Variants in IMP4 observed in about 807,000 individuals in gnomAD.
IMP4 encodes IMP U3 small nucleolar ribonucleoprotein 4.
In IMP4, 30 loss-of-function variants were observed where a neutral mutation model predicts 42.7. The ratio of observed to expected loss-of-function variants is 0.70; its 90% CI spans 0.53 to 0.95. The LOEUF (loss-of-function observed/expected upper bound fraction) is 0.95, where lower values mean the gene tolerates loss of function less well. Ranked by LOEUF, IMP4 falls within the 40% of genes least tolerant of loss-of-function variation. The pLI is 0.00. For synonymous variants in IMP4, 165 were observed against 165.2 expected (o/e 1.00, Z 0.01); for missense variants, 382 against 411.4 (o/e 0.93, Z 0.62).
At position 130,346,106 on chromosome 2, in the gene IMP4, C is replaced by T. The variant is rs267598873; in HGVS notation, c.683C>T (p.Ser228Leu). 9 of 1,614,148 alleles carry T rather than the reference C, an allele frequency of 5.6e-6. No homozygotes were observed. The East Asian group carries it at 1.8e-4, about 32-fold the overall frequency. The change falls in exon 7 of 9, where the codon TCA (serine) becomes TTA (leucine). Residue 228 changes from serine (S) to leucine (L), a missense_variant. Physicochemically the swap from Ser to Leu is moderately radical, Grantham distance 145. Transcript: ENST00000259239. Reference protein sequence around the residue: ...ITFANQDDYISFRHHVYKKTD... With the variant: ...ITFANQDDYILFRHHVYKKTD... ...TTCGCAAACCAGGACGACTACATAT[C>T]ATTCCGGTGGGTCCACGGGCCATGC...
chr2:130,345,325 A>G lies in IMP4; in HGVS notation c.197-51A>G. 6.9e-7 allele frequency: 1 copy of G among 1,455,664 alleles called. No homozygotes were observed. Among genetic ancestry groups the G allele is most frequent in the Non-Finnish European group, 9.6e-7 (1 of 1,044,364 alleles). 90.2% of individuals were successfully genotyped at this position (1,455,664 alleles called of 1,614,324 possible). On this transcript the variant is annotated intron_variant, in intron 3 of 8. Transcript: ENST00000259239. The surrounding 1 kb of genome is among the most constrained non-coding windows in gnomAD (Gnocchi z 4.9). ...AGGCGGTCTTGGCTGCCCCGAAGTT[A>G]GCATTTCATTCCCAAGACTGTCATG...
Position 130,346,576 on chromosome 2 carries a change from T to C in IMP4, c.*108T>C, listed in dbSNP as rs1232347856. 3 of 817,194 alleles carry C rather than the reference T, an allele frequency of 3.7e-6. No homozygotes were observed. 50.6% of individuals were successfully genotyped at this position (817,194 alleles called of 1,614,324 possible). On this transcript the variant is annotated 3_prime_UTR_variant, in exon 9 of 9. Transcript: ENST00000259239. ...CAGAATGGCCTGCTGAACTGGGATG[T>C]GGAACTGTGGCGGGTGGAGAGGTCT...
At chr2:130,344,825 T>C (rs1356196675) in intron 3 of IMP4, 113 bp downstream of exon 3, 1 of 755,486 alleles carries the variant, frequency 1.3e-6, no homozygotes, top group Non-Finnish European at 2.4e-6. Context: ...CTGTCCCCCA[T>C]GCCCTTGTCA....
Position 130,346,553 on chromosome 2 carries a change from G to C in IMP4, c.*85G>C. The C allele has an allele frequency of 3.2e-6, 3 of 941,894 alleles. No homozygotes were observed. The highest frequency in any genetic ancestry group is 1.4e-5 in the South Asian group (1 of 71,508). The allele number at this position is 941,894 out of a possible 1,614,324, so 58.3% of individuals were successfully genotyped here. Reference sequence around the variant, plus strand: ...AGACCCACCAGTAGGAACTGTCACAGAATGGCCTGCTGAACTGGGATGTGG... The same window carrying C: ...AGACCCACCAGTAGGAACTGTCACACAATGGCCTGCTGAACTGGGATGTGG... On this transcript the variant is annotated 3_prime_UTR_variant, in exon 9 of 9. Coordinates refer to ENST00000259239, the MANE Select transcript of IMP4 (RefSeq NM_033416.3).
In IMP4 at chr2:130,345,286, A is replaced by G; in HGVS notation, c.197-90A>G. The G allele has an allele frequency of 1.0e-6, 1 of 962,224 alleles. No homozygotes were observed. Among genetic ancestry groups the G allele is most frequent in the Non-Finnish European group, 1.6e-6 (1 of 611,916 alleles). 59.6% of individuals were successfully genotyped at this position (962,224 alleles called of 1,614,324 possible). On this transcript the variant is annotated intron_variant, in intron 3 of 8. Coordinates refer to ENST00000259239, the MANE Select transcript of IMP4 (RefSeq NM_033416.3). The surrounding 1 kb of genome is among the most constrained non-coding windows in gnomAD (Gnocchi z 4.9). The stretch of plus-strand genomic sequence containing the variant: ...CATTCCTATTGTTGAAGGCTTCGGC[A>G]GACAGCGACATCCAGGCGGTCTTGG...
rs758600142 is a variant in IMP4 at position 130,342,907 on chromosome 2, G to A, written c.-26G>A. On this transcript the variant is annotated 5_prime_UTR_variant, in exon 1 of 9. Transcript: ENST00000259239. Reference sequence around the variant, plus strand: ...GCTGGAGGAGCCCACAGATTCTCCCGGACCCACGTGGAAGCGGCACTCAAG... The same window carrying A: ...GCTGGAGGAGCCCACAGATTCTCCCAGACCCACGTGGAAGCGGCACTCAAG... 1 of 1,613,952 alleles carries A rather than the reference G, an allele frequency of 6.2e-7. No homozygotes were observed.
chr2:130,346,686 G>A lies in IMP4; in HGVS notation c.*218G>A, dbSNP rs893989990. 1.5e-5 allele frequency: 9 copies of A among 595,678 alleles called. No individual in the cohort carries two copies. The African/African-American group carries it at 1.7e-4, about 11-fold the overall frequency. 36.9% of individuals were successfully genotyped at this position (595,678 alleles called of 1,614,324 possible). On this transcript the variant is annotated 3_prime_UTR_variant, in exon 9 of 9. Coordinates refer to ENST00000259239, the MANE Select transcript of IMP4 (RefSeq NM_033416.3). ...GGCAAAGCCCATGGGATCCCTTTGGGTGGGGACCTGATGGCTGTGGGACGT... is the reference window on the plus strand; with the variant it reads ...GGCAAAGCCCATGGGATCCCTTTGGATGGGGACCTGATGGCTGTGGGACGT...
intron 2 of IMP4, 25 bp downstream of exon 2, chr2:130,343,219 C>T (rs1211888095): frequency 6.1e-6 from 9 of 1,478,840 alleles, no homozygotes; most frequent in Non-Finnish European, 8.3e-6. Flanking sequence ...CCGCGGGCGT[C>T]TGCGTGGTAA....
At chr2:130,343,569 T>C (rs1354558073) in intron 2 of IMP4, among the ~76,000 whole-genome samples, 1 of 151,624 alleles carries the variant, frequency 6.6e-6, no homozygotes, top group Admixed American at 6.6e-5. Context: ...TGAAATCTCG[T>C]CTCTACTAAA....
chr2:130,344,576 G>A (rs1028521425), intron 2 of IMP4, 53 bp from the exon 3 acceptor site: 1 of 1,155,536 alleles, frequency 8.7e-7, no homozygotes, highest in Non-Finnish European at 1.3e-6. Context: ...TATTGGATGA[G>A]CTGAGGTCTC....
In IMP4 at chr2:130,347,458, C is replaced by T. The variant is rs191453001; in HGVS notation, c.*990C>T. ...TGATACTGAGCATTTTTGCATACAC[C>T]GGGTCATTTGTTCTTTGTTGTTGAC... On this transcript the variant is annotated 3_prime_UTR_variant, in exon 9 of 9. Transcript: ENST00000259239. 3.3e-5 allele frequency: 5 copies of T among 152,188 alleles called. No homozygotes were observed. The East Asian group carries it at 9.6e-4, about 29-fold the overall frequency. The allele number at this position is 152,188 out of a possible 1,614,324, so 9.4% of individuals were successfully genotyped here.
Position 130,345,879 on chromosome 2 carries a change from G to A in IMP4, c.540G>A (p.Ser180=), listed in dbSNP as rs374732289. Reference sequence around the variant, plus strand: ...ACATCCCAGACCTGGGCACCATGTCGGAGGCCAAGCCCCACCTCATCACAC... The same window carrying A: ...ACATCCCAGACCTGGGCACCATGTCAGAGGCCAAGCCCCACCTCATCACAC... ...RHDIPDLGTM[S]EAKPHLITHG... Residue 180 remains serine (S), a synonymous_variant, in exon 6 of 9, where the codon TCG becomes TCA. Coordinates refer to ENST00000259239, the MANE Select transcript of IMP4 (RefSeq NM_033416.3). This position sits in a 1 kb window ranked among gnomAD's most constrained non-coding sequence, Gnocchi z 4.9. 7.2e-5 allele frequency: 116 copies of A among 1,614,012 alleles called. No individual in the cohort carries two copies. Among genetic ancestry groups the A allele is most frequent in the South Asian group, 1.3e-4 (12 of 91,078 alleles).
rs1232551144 is a variant in IMP4 at position 130,346,428 on chromosome 2, C to T, written c.836C>T (p.Thr279Ile). The T allele has an allele frequency of 8.3e-6, 13 of 1,569,356 alleles. No homozygotes were observed. The highest frequency in any genetic ancestry group is 1.1e-5 in the Non-Finnish European group (13 of 1,156,680). ...ADVEWRWHPYTNTARKRVFLS... is the reference protein window; with the variant it reads ...ADVEWRWHPYINTARKRVFLS... ...GTGGAGTGGCGCTGGCACCCTTACA[C>T]CAATACCGCACGCAAGAGAGTCTTC... Residue 279 changes from threonine (T) to isoleucine (I), a missense_variant, in exon 9 of 9, where the codon ACC (threonine) becomes ATC (isoleucine). Thr to Ile is a moderately conservative substitution (Grantham distance 89). Transcript: ENST00000259239.
chr2:130,345,748 G>GGGGTCT lies in IMP4; in HGVS notation c.440-30_440-25dup. The GGGGTCT allele has an allele frequency of 6.2e-7, 1 of 1,612,486 alleles. No individual in the cohort carries two copies. The highest frequency in any genetic ancestry group is 8.5e-7 in the Non-Finnish European group (1 of 1,179,944). On this transcript the variant is annotated intron_variant, in intron 5 of 8. Transcript: ENST00000259239. The surrounding 1 kb of genome is among the most constrained non-coding windows in gnomAD (Gnocchi z 4.9). ...GGGTGGGAGCCGTCTGAGGGCAGACGGGGTCTCTGACAGCCACCTTTCCCC... is the reference window on the plus strand; with the variant it reads ...GGGTGGGAGCCGTCTGAGGGCAGACGGGGTCTGGGTCTCTGACAGCCACCTTTCCCC...
At position 130,345,798 on chromosome 2, in the gene IMP4, C is replaced by T. The variant is rs374957068; in HGVS notation, c.459C>T (p.His153=). The change falls in exon 6 of 9, where the codon CAC becomes CAT. Residue 153 remains histidine (H), a synonymous_variant. Transcript: ENST00000259239. This position sits in a 1 kb window ranked among gnomAD's most constrained non-coding sequence, Gnocchi z 4.9. The part of the protein sequence containing the change: ...RGTPVGLIVS[H]LPFGPTAYFT... ...CGCCAGTGGGGCTCATCGTCAGCCACCTGCCCTTTGGTCCTACTGCCTACT... is the reference window on the plus strand; with the variant it reads ...CGCCAGTGGGGCTCATCGTCAGCCATCTGCCCTTTGGTCCTACTGCCTACT... 5 of 1,613,920 alleles carry T rather than the reference C, an allele frequency of 3.1e-6. No homozygotes were observed. The highest frequency in any genetic ancestry group is 1.1e-5 in the South Asian group (1 of 91,082).
In IMP4 at chr2:130,346,085, C is replaced by G. The variant is rs770642549; in HGVS notation, c.662C>G (p.Ala221Gly). 19 of 1,614,098 alleles carry G rather than the reference C, an allele frequency of 1.2e-5. No individual in the cohort carries two copies. Among genetic ancestry groups the G allele is most frequent in the Non-Finnish European group, 1.4e-5 (17 of 1,180,024 alleles). Residue 221 changes from alanine to glycine, a missense_variant, in exon 7 of 9, where the codon GCA becomes GGA. By Grantham distance (60) the Ala-to-Gly change is moderately conservative. Coordinates refer to ENST00000259239, the MANE Select transcript of IMP4 (RefSeq NM_033416.3). ...KDDSHRVITF[A>G]NQDDYISFRH... Reference sequence around the variant, plus strand: ...GACAGCCACCGGGTCATCACCTTCGCAAACCAGGACGACTACATATCATTC... The same window carrying G: ...GACAGCCACCGGGTCATCACCTTCGGAAACCAGGACGACTACATATCATTC...
At chr2:130,342,969 G>A (rs760060116) in intron 1 of IMP4, 34 bp downstream of exon 1, 3 of 1,614,156 alleles carry the variant, frequency 1.9e-6, no homozygotes, top group Non-Finnish European at 1.7e-6. Context: ...GGAGGTCCGG[G>A]GCGCGTGAAG....
chr2:130,343,335 C>T (rs1380715217), intron 2 of IMP4, 141 bp downstream of exon 2: 2 of 733,640 alleles, frequency 2.7e-6, no homozygotes, highest in Non-Finnish European at 5.0e-6. Flanking sequence ...GAGAGTGTTT[C>T]TTCCGTGTGA....
intron 3 of IMP4, 145 bp downstream of exon 3, chr2:130,344,857 G>T (rs1679398282): frequency 7.6e-6 from 5 of 655,452 alleles, no homozygotes; most frequent in Non-Finnish European, 1.1e-5. Flanking sequence ...GCATTGCAGG[G>T]CTCTCCCTGA....
Sources: allele counts gnomAD v4.1 joint callset (sites outside exome capture counted in the v4.1 genomes callset), GRCh38; gene constraint gnomAD v4.1.1; non-coding constraint Gnocchi (gnomAD v3.1); transcripts MANE v1.5; gene names NCBI Gene and HGNC (gene_info 2026-07-23, HGNC 2026-07-21).